Variants in PDE1A observed in about 807,000 individuals in gnomAD.
The protein encoded by PDE1A is dual specificity calcium/calmodulin-dependent 3',5'-cyclic nucleotide phosphodiesterase 1A.
In PDE1A, 35 loss-of-function variants were observed where a neutral mutation model predicts 61.7. The ratio of observed to expected loss-of-function variants is 0.57; its 90% CI spans 0.43 to 0.75. The LOEUF is 0.75. Among genes scored for constraint, PDE1A ranks in the 30% least tolerant of loss-of-function variants. The probability of loss-of-function intolerance (pLI) is 0.00; values close to 1 mark genes in which losing one functional copy is unlikely to be tolerated. For synonymous variants in PDE1A, 232 were observed against 213.2 expected, an observed-to-expected ratio of 1.09 and a Z score of -0.77; for missense variants, 597 against 630.6, an observed-to-expected ratio of 0.95 and a Z score of 0.57.
the PDE1A span, among the ~76,000 whole-genome samples, chr2:182,612,473 C>T: frequency 1.3e-5 from 2 of 152,108 alleles, no homozygotes; most frequent in African/African-American, 4.8e-5. Context: ...GGTTTGAGCA[C>T]CCTAGGCTAT....
intron 2 of PDE1A, chr2:182,242,021 T>A (rs1559240884): frequency 7.2e-7 from 1 of 1,397,624 alleles, no homozygotes; most frequent in East Asian, 2.6e-5. Flanking sequence ...TATGCAGTGA[T>A]CAGATACAGT....
At chr2:182,331,817 T>C (rs528683386) in intron 1 of PDE1A, among the ~76,000 whole-genome samples, 1 of 152,312 alleles carries the variant, frequency 6.6e-6, no homozygotes, top group Non-Finnish European at 1.5e-5. Context: ...AATCTGACAA[T>C]TATGTGTCTT....
chr2:182,516,694 GAGGAAGGGAGGAAGGA>G (rs1559533948), intron 2 of PDE1A, among the ~76,000 whole-genome samples: 2 of 50,984 alleles, frequency 3.9e-5, no homozygotes, highest in African/African-American at 7.6e-5. Flanking sequence ...GGAGGGAAGG[GAGGAAGGGAGGAAGGA>G]AGGAAGGAAG....
chr2:182,412,057 CGA>C (rs1559435778), intron 1 of PDE1A, among the ~76,000 whole-genome samples: 2 of 62,508 alleles, frequency 3.2e-5, no homozygotes, highest in Non-Finnish European at 5.7e-5. Flanking sequence ...GACTCCATCT[CGA>C]AAAAAAAAAA....
intron 1 of PDE1A, among the ~76,000 whole-genome samples, chr2:182,293,541 T>G (rs1344291596): frequency 2.0e-5 from 3 of 152,202 alleles, no homozygotes; most frequent in Non-Finnish European, 2.9e-5. Flanking sequence ...CACATGCAAC[T>G]TCCACGTACA....
At chr2:182,584,460 T>C in the PDE1A span, among the ~76,000 whole-genome samples, 6 of 152,216 alleles carry the variant, frequency 3.9e-5, no homozygotes, top group Non-Finnish European at 7.3e-5. Context: ...GCAAACTACT[T>C]AACTTAAAGA....
chr2:182,315,246 A>G (rs768815422), intron 1 of PDE1A, among the ~76,000 whole-genome samples: 2 of 152,162 alleles, frequency 1.3e-5, no homozygotes, highest in Non-Finnish European at 2.9e-5. Flanking sequence ...ATTTTCATTA[A>G]TAAGTTTGAA....
downstream of PDE1A, among the ~76,000 whole-genome samples, chr2:182,163,898 G>A (rs1691515425): frequency 1.3e-5 from 2 of 152,162 alleles, no homozygotes; most frequent in South Asian, 4.1e-4. Flanking sequence ...TAGGTATGCT[G>A]TTTGGAGTCT....
chr2:182,491,349 A>T (rs1406158807), intron 2 of PDE1A, among the ~76,000 whole-genome samples: 1 of 152,160 alleles, frequency 6.6e-6, no homozygotes, highest in African/African-American at 2.4e-5. Flanking sequence ...TATGCAAGTG[A>T]GGGATATAAT....
chr2:182,338,110 C>A lies in PDE1A; in HGVS notation c.54-73696G>T, dbSNP rs374805206. Among the ~76,000 whole-genome samples, 5 of 152,230 alleles carry A rather than the reference C, an allele frequency of 3.3e-5. 1 individual carries two copies. The highest frequency in any genetic ancestry group is 1.3e-4 in the Admixed American group (2 of 15,288). On this transcript the variant is annotated intron_variant, in intron 1 of 13. Transcript: ENST00000351439. ...AGTCTACAGAGAAGAGACAGTCATT[C>A]AAAGATGCATGACACTTTGGATCCA... is the stretch of plus-strand genomic sequence containing the variant.
chr2:182,323,968 GGGAAT>G, intron 1 of PDE1A, among the ~76,000 whole-genome samples: 1 of 152,126 alleles, frequency 6.6e-6, no homozygotes, highest in African/African-American at 2.4e-5. Context: ...CAGTGGGCCA[GGGAAT>G]CAATCAGAGA....
chr2:182,563,842 G>A, the PDE1A span, among the ~76,000 whole-genome samples: 1 of 152,000 alleles, frequency 6.6e-6, no homozygotes, highest in Non-Finnish European at 1.5e-5. Context: ...ATCTTTGTTG[G>A]TTTAAAGTGT....
chr2:182,390,422 ACT>A (rs1701354823), intron 1 of PDE1A, among the ~76,000 whole-genome samples: 1 of 152,156 alleles, frequency 6.6e-6, no homozygotes, highest in African/African-American at 2.4e-5. Flanking sequence ...GAGTTTAGTG[ACT>A]CTATACATAA....
chr2:182,179,303 ACTC>A (rs1381436839), intron 13 of PDE1A, among the ~76,000 whole-genome samples: 2 of 152,026 alleles, frequency 1.3e-5, no homozygotes, highest in African/African-American at 2.4e-5. Flanking sequence ...GATCCAGAAA[ACTC>A]CTGCTGAAAC....
the PDE1A span, among the ~76,000 whole-genome samples, chr2:182,650,659 A>T: frequency 2.1e-4 from 32 of 152,374 alleles, no homozygotes; most frequent in African/African-American, 7.5e-4. Context: ...AATTAAGTAA[A>T]ATGTCATAAA....
At chr2:182,639,865 AAT>A in the PDE1A span, among the ~76,000 whole-genome samples, 1 of 149,092 alleles carries the variant, frequency 6.7e-6, no homozygotes, top group South Asian at 2.1e-4. Flanking sequence ...AATTTATATA[AAT>A]ATATATTTAT....
At chr2:182,186,687 G>T in intron 11 of PDE1A, 99 bp from the exon 12 acceptor site, 3 of 1,211,498 alleles carry the variant, frequency 2.5e-6, no homozygotes, top group South Asian at 3.0e-5. Flanking sequence ...GACAATCCTG[G>T]GATAGCAAGA....
chr2:182,522,260 CA>C (rs1690615892), intron 2 of PDE1A: 1 of 1,603,756 alleles, frequency 6.2e-7, no homozygotes, highest in Non-Finnish European at 8.5e-7. Context: ...AAATAAAAAG[CA>C]AAGAGCATAC....
chr2:182,182,848 T>G (rs1684885853), intron 13 of PDE1A, among the ~76,000 whole-genome samples: 1 of 152,102 alleles, frequency 6.6e-6, no homozygotes. Flanking sequence ...CCATTGTGTA[T>G]TTATTTAAAT....
Sources: gnomAD v4.1 joint callset for allele counts (sites outside exome capture counted in the v4.1 genomes callset) on GRCh38, gnomAD v4.1.1 for gene constraint, MANE v1.5 for transcripts, NCBI Gene and HGNC (gene_info 2026-07-23, HGNC 2026-07-21) for gene names.